INSR: variants seen among roughly 807,000 people sequenced by gnomAD.
INSR encodes insulin receptor.
Under a neutral mutation model 142.6 loss-of-function variants are expected in INSR, and 67 were observed. The observed-to-expected ratio is 0.47, with a 90% confidence interval of 0.39 to 0.58. The LOEUF is 0.58. Ranked by LOEUF, INSR falls within the 20% of genes least tolerant of loss-of-function variation. The pLI, the probability that INSR is intolerant of heterozygous loss-of-function variation, is 0.00. For synonymous variants in INSR, 756 were observed against 743.1 expected (o/e 1.02, Z -0.28); for missense variants, 1,248 against 1,833.2 (o/e 0.68, Z 5.83).
At chr19:7,236,855 T>A (rs374450979) in intron 2 of INSR, among the ~76,000 whole-genome samples, 10 of 151,752 alleles carry the variant, frequency 6.6e-5, no homozygotes, top group East Asian at 3.9e-4. Flanking sequence ...TGAAACCCTG[T>A]CTCTACTAAA....
intron 13 of INSR, among the ~76,000 whole-genome samples, chr19:7,132,529 G>A (rs903780239): frequency 2.0e-5 from 3 of 152,036 alleles, no homozygotes; most frequent in South Asian, 4.1e-4. Context: ...TATCATTATC[G>A]GTAAGAGCCA....
At chr19:7,190,269 C>G (rs1402080424) in intron 2 of INSR, among the ~76,000 whole-genome samples, 2 of 151,962 alleles carry the variant, frequency 1.3e-5, no homozygotes, top group Non-Finnish European at 2.9e-5. Flanking sequence ...ACAGCTAACA[C>G]TGCCTTCTTA....
chr19:7,155,646 C>T (rs1045942246), intron 9 of INSR, among the ~76,000 whole-genome samples: 5 of 150,650 alleles, frequency 3.3e-5, no homozygotes, highest in Admixed American at 2.0e-4. Flanking sequence ...GGTACAGTGG[C>T]TCTTGCCTGT....
intron 2 of INSR, among the ~76,000 whole-genome samples, chr19:7,201,526 G>A (rs1321123195): frequency 2.0e-5 from 3 of 151,708 alleles, no homozygotes; most frequent in South Asian, 4.2e-4. Flanking sequence ...TCGGGAGGCT[G>A]AGGCAGGAGA....
At chr19:7,165,866 GAAAAA>G (rs200089915) in intron 8 of INSR, among the ~76,000 whole-genome samples, 1 of 103,094 alleles carries the variant, frequency 9.7e-6, no homozygotes, top group Non-Finnish European at 2.0e-5. Flanking sequence ...TCATCTCAAA[GAAAAA>G]AAAAAAAAAA....
intron 2 of INSR, among the ~76,000 whole-genome samples, chr19:7,208,665 C>A (rs942816043): frequency 6.6e-6 from 1 of 152,078 alleles, no homozygotes; most frequent in Admixed American, 6.6e-5. Context: ...AGCCCAGGAG[C>A]TCGAGACCAG....
At chr19:7,208,237 C>T (rs939000916) in intron 2 of INSR, among the ~76,000 whole-genome samples, 1 of 152,148 alleles carries the variant, frequency 6.6e-6, no homozygotes, top group Non-Finnish European at 1.5e-5. Flanking sequence ...CCACGCCCAC[C>T]TCACCTTGAA....
At position 7,114,244 on chromosome 19, in the gene INSR, AG is replaced by A. The variant is rs1972269138; in HGVS notation, c.*2811del. The A allele has an allele frequency of 6.6e-6, 1 of 152,154 alleles. No homozygotes were observed. The highest frequency in any genetic ancestry group is 2.4e-5 in the African/African-American group (1 of 41,430). The allele number at this position is 152,154 out of a possible 1,614,324, so 9.4% of individuals were successfully genotyped here. A position where few individuals can be genotyped will look rare whatever the true frequency, so the allele number is the denominator to read the frequency against. ...CCCAGGGCACCTTTGTGCTCACTTC[AG>A]GGGGATTCCATGGAACAGGTGGGAA... On this transcript the variant is annotated 3_prime_UTR_variant, in exon 22 of 22. Transcript: ENST00000302850.
intron 1 of INSR, among the ~76,000 whole-genome samples, chr19:7,289,434 C>G (rs1968432121): frequency 7.0e-6 from 1 of 141,950 alleles, no homozygotes; most frequent in Non-Finnish European, 1.5e-5. Flanking sequence ...GAGACAGAGT[C>G]TCTCTCTGTT....
At chr19:7,265,551 G>A (rs1014967108) in intron 2 of INSR, among the ~76,000 whole-genome samples, 1 of 151,968 alleles carries the variant, frequency 6.6e-6, no homozygotes, top group Non-Finnish European at 1.5e-5. Flanking sequence ...CCTGGTCAAC[G>A]TAGTGAAATC....
chr19:7,200,541 TAAAA>T (rs1046401975), intron 2 of INSR, among the ~76,000 whole-genome samples: 8 of 145,248 alleles, frequency 5.5e-5, no homozygotes, highest in African/African-American at 2.1e-4. Flanking sequence ...AAATAATAAA[TAAAA>T]AATTAAAAAT....
intron 2 of INSR, among the ~76,000 whole-genome samples, chr19:7,229,368 A>ATG (rs1975898050): frequency 9.4e-6 from 1 of 106,934 alleles, no homozygotes; most frequent in African/African-American, 4.1e-5. Flanking sequence ...ATGGATGGAT[A>ATG]GATGGATGGG....
At chr19:7,268,617 C>G in intron 1 of INSR, 1 of 985,168 alleles carries the variant, frequency 1.0e-6, no homozygotes, top group Non-Finnish European at 1.2e-6. Flanking sequence ...CTCCAAGACT[C>G]CTATCCTCCT....
At chr19:7,285,776 G>T (rs915395202) in intron 1 of INSR, among the ~76,000 whole-genome samples, 2 of 152,112 alleles carry the variant, frequency 1.3e-5, no homozygotes, top group African/African-American at 2.4e-5. Flanking sequence ...AAAGTCTAGA[G>T]AAAACTATAG....
intron 9 of INSR, among the ~76,000 whole-genome samples, chr19:7,158,430 G>A (rs1329725780): frequency 1.3e-5 from 2 of 152,174 alleles, no homozygotes; most frequent in East Asian, 1.9e-4. Flanking sequence ...GAACCCGGGA[G>A]GCGGAGCTTG....
Position 7,141,465 on chromosome 19 carries a change from G to T in INSR, c.2682+212C>A, listed in dbSNP as rs571771509. 5.6e-4 allele frequency: 350 copies of T among 629,016 alleles called. 6 individuals are homozygous for T. In the South Asian group the frequency reaches 6.3e-3, roughly 11 times the overall value. 39.0% of individuals were successfully genotyped at this position (629,016 alleles called of 1,614,324 possible). A position where few individuals can be genotyped will look rare whatever the true frequency, so the allele number is the denominator to read the frequency against. ...AGAGGACACAGCTGGAAAGCAATGT[G>T]AGAAACTAAGAAAAGTAACAAGCTG... On this transcript the variant is annotated intron_variant, in intron 13 of 21. Transcript: ENST00000302850.
chr19:7,131,397 G>C (rs1164389422), intron 14 of INSR, among the ~76,000 whole-genome samples: 1 of 151,780 alleles, frequency 6.6e-6, no homozygotes, highest in Non-Finnish European at 1.5e-5. Context: ...CCAGGCTGGA[G>C]TGCAGTGGCA....
At chr19:7,280,207 T>C (rs2145235184) in intron 1 of INSR, among the ~76,000 whole-genome samples, 1 of 151,020 alleles carries the variant, frequency 6.6e-6, no homozygotes, top group South Asian at 2.1e-4. Flanking sequence ...GAGCTTGCAG[T>C]GAGTCGAGAC....
chr19:7,211,913 C>T (rs35771267), intron 2 of INSR, among the ~76,000 whole-genome samples: 269 of 141,408 alleles, frequency 1.9e-3, no homozygotes, highest in African/African-American at 8.0e-3. Flanking sequence ...CTCACGAATT[C>T]AACACCTGGT....
Sources: allele counts gnomAD v4.1 joint callset (sites outside exome capture counted in the v4.1 genomes callset), GRCh38; gene constraint gnomAD v4.1.1; transcripts MANE v1.5; gene names NCBI Gene and HGNC (gene_info 2026-07-23, HGNC 2026-07-21).